PSD3: variants seen among roughly 807,000 people sequenced by gnomAD.
PSD3 encodes pleckstrin and Sec7 domain containing 3.
PSD3 carries 49 observed loss-of-function variants against 105.5 expected under a neutral mutation model. That is an observed-to-expected ratio of 0.46 (90% CI 0.37 to 0.59). PSD3 has a LOEUF of 0.59. PSD3 is among the 20% of genes least tolerant of loss of function. The pLI is 0.00. For synonymous variants in PSD3, 557 were observed against 457.8 expected, an observed-to-expected ratio of 1.22 and a Z score of -2.77; for missense variants, 1,561 against 1,263.8, an observed-to-expected ratio of 1.24 and a Z score of -3.57.
intron 2 of PSD3, among the ~76,000 whole-genome samples, chr8:18,911,838 A>T (rs1329265910): frequency 6.6e-6 from 1 of 152,204 alleles, no homozygotes; most frequent in African/African-American, 2.4e-5. Context: ...ACAATGAAGC[A>T]GAGAACTCAG....
chr8:18,595,971 T>C lies in PSD3; in HGVS notation c.2481+4393A>G, dbSNP rs371823865. ...AATATATATTCTTCTCAAGTGCACA[T>C]GGAACATTCTCTGGGATAGATAAAA... On this transcript the variant is annotated intron_variant, in intron 12 of 15. Transcript: ENST00000327040. Among the ~76,000 whole-genome samples the C allele has an allele frequency of 9.2e-5, 14 of 152,180 alleles. No homozygotes were observed. The South Asian group carries it at 2.9e-3, about 32-fold the overall frequency.
chr8:18,774,665 G>A (rs893034102), intron 8 of PSD3: 5 of 365,134 alleles, frequency 1.4e-5, no homozygotes, highest in South Asian at 1.1e-4. Flanking sequence ...AAGTATTCTT[G>A]GGCCACAGAT....
chr8:18,537,963 C>A lies in PSD3; in HGVS notation c.2929-2005G>T, dbSNP rs530407360. Among the ~76,000 whole-genome samples the A allele has an allele frequency of 3.9e-5, 6 of 152,336 alleles. No homozygotes were observed. The East Asian group carries it at 1.2e-3, about 29-fold the overall frequency. On this transcript the variant is annotated intron_variant, in intron 15 of 15. Transcript: ENST00000327040. The stretch of plus-strand genomic sequence containing the variant: ...AAGTGCTGGGATTACAGGCGTGAGC[C>A]ACTGCACGTGGCCTAGCCTCTTACT...
At chr8:19,064,781 T>C (rs772071757) in intron 1 of PSD3, among the ~76,000 whole-genome samples, 25 of 152,082 alleles carry the variant, frequency 1.6e-4, no homozygotes, top group Non-Finnish European at 3.1e-4. Context: ...GCTAGAATTA[T>C]TTGGTCCAAA....
intron 9 of PSD3, among the ~76,000 whole-genome samples, chr8:18,719,826 A>G: frequency 6.6e-6 from 1 of 152,212 alleles, no homozygotes; most frequent in East Asian, 1.9e-4. Context: ...TATAGCATAT[A>G]TCTAGATAGC....
chr8:18,566,397 G>A (rs898044266), intron 14 of PSD3, among the ~76,000 whole-genome samples: 2 of 151,792 alleles, frequency 1.3e-5, no homozygotes, highest in Non-Finnish European at 2.9e-5. Context: ...ATGGTGGCGG[G>A]CGCCTGTAAT....
At chr8:18,823,206 C>T (rs940043923) in intron 4 of PSD3, among the ~76,000 whole-genome samples, 5 of 151,998 alleles carry the variant, frequency 3.3e-5, no homozygotes, top group South Asian at 2.1e-4. Context: ...CTCCTTTCTT[C>T]GGAGTCTGCA....
In PSD3 at chr8:18,872,692, T is replaced by A. The variant is rs571126339; in HGVS notation, c.172A>T (p.Asn58Tyr). 3 of 1,586,672 alleles carry A rather than the reference T, an allele frequency of 1.9e-6. No homozygotes were observed. Among genetic ancestry groups the A allele is most frequent in the Non-Finnish European group, 2.6e-6 (3 of 1,169,140 alleles). The stretch of plus-strand genomic sequence containing the variant: ...ATGGTCCCATATTCTGGAAATTCAT[T>A]TGTGACATTTGGTGGGAGTAAAGTG... ...GSTLLPPNVT[N>Y]EFPEYGTMEE... is the part of the protein sequence containing the mutation. Residue 58 changes from asparagine (N) to tyrosine (Y), a missense_variant, in exon 3 of 16, where the codon AAT becomes TAT. By Grantham distance (143) the Asn-to-Tyr change is moderately radical. Coordinates refer to ENST00000327040, the MANE Select transcript of PSD3 (RefSeq NM_015310.4).
At chr8:19,018,439 C>T (rs1364079312), upstream of PSD3, among the ~76,000 whole-genome samples, 2 of 151,754 alleles carry the variant, frequency 1.3e-5, no homozygotes, top group Non-Finnish European at 2.9e-5. Context: ...TTTGTCAAAA[C>T]TCATAGAATT....
intron 9 of PSD3, among the ~76,000 whole-genome samples, chr8:18,663,192 C>T (rs776292483): frequency 4.6e-5 from 7 of 151,986 alleles, no homozygotes; most frequent in African/African-American, 1.2e-4. Context: ...CTTTGGGAGC[C>T]GCAGAGGGAG....
chr8:18,558,292 ATATT>A (rs1801198292), intron 14 of PSD3, among the ~76,000 whole-genome samples: 1 of 152,214 alleles, frequency 6.6e-6, no homozygotes, highest in Non-Finnish European at 1.5e-5. Flanking sequence ...TTGACAAATG[ATATT>A]TAGTGACTGG....
intron 9 of PSD3, among the ~76,000 whole-genome samples, chr8:18,717,344 T>A (rs968293058): frequency 1.3e-5 from 2 of 152,198 alleles, no homozygotes; most frequent in African/African-American, 4.8e-5. Flanking sequence ...TGTTCCAGAA[T>A]GGGAGTGAGG....
At chr8:18,803,595 A>AT (rs1810929665) in intron 6 of PSD3, among the ~76,000 whole-genome samples, 1 of 152,164 alleles carries the variant, frequency 6.6e-6, no homozygotes, top group South Asian at 2.1e-4. Context: ...ATAATGGGGT[A>AT]TTACTCAGCC....
At chr8:18,620,590 T>C (rs1004197822) in intron 11 of PSD3, among the ~76,000 whole-genome samples, 1 of 152,004 alleles carries the variant, frequency 6.6e-6, no homozygotes, top group African/African-American at 2.4e-5. Context: ...ATTCCTGTGG[T>C]CCCAGCTATT....
intron 12 of PSD3, among the ~76,000 whole-genome samples, chr8:18,587,420 T>C (rs367797501): frequency 7.9e-6 from 1 of 126,200 alleles, no homozygotes; most frequent in East Asian, 2.6e-4. Context: ...ATTTGAAACA[T>C]AATTTTTTTC....
intron 10 of PSD3, among the ~76,000 whole-genome samples, chr8:18,642,167 C>T (rs1404093814): frequency 6.6e-6 from 1 of 152,012 alleles, no homozygotes; most frequent in East Asian, 1.9e-4. Context: ...GTATGCTTTC[C>T]AAACCAAGAC....
intron 14 of PSD3, 55 bp downstream of exon 14, chr8:18,572,473 A>T: frequency 1.3e-6 from 2 of 1,574,184 alleles, no homozygotes; most frequent in Non-Finnish European, 1.7e-6. Flanking sequence ...AATATTTATC[A>T]CATTATTTTA....
intron 6 of PSD3, among the ~76,000 whole-genome samples, chr8:18,803,563 G>A (rs933725314): frequency 6.6e-6 from 1 of 152,106 alleles, no homozygotes; most frequent in Admixed American, 6.5e-5. Context: ...TCCTGAAGCT[G>A]ACGGTGGTAT....
chr8:18,644,575 T>A (rs1807888963), intron 10 of PSD3, among the ~76,000 whole-genome samples: 1 of 152,190 alleles, frequency 6.6e-6, no homozygotes, highest in Non-Finnish European at 1.5e-5. Context: ...CTAATTATGA[T>A]CACTTAAGTA....
Sources: gnomAD v4.1 joint callset for allele counts (sites outside exome capture counted in the v4.1 genomes callset) on GRCh38, gnomAD v4.1.1 for gene constraint, MANE v1.5 for transcripts, NCBI Gene and HGNC (gene_info 2026-07-23, HGNC 2026-07-21) for gene names.